Variants in STPG2 observed in about 807,000 individuals in gnomAD.
The protein encoded by STPG2 is sperm-tail PG-rich repeat-containing protein 2.
Under a neutral mutation model 54.2 loss-of-function variants are expected in STPG2, and 56 were observed. The ratio of observed to expected loss-of-function variants is 1.03; its 90% CI spans 0.83 to 1.29. The LOEUF is 1.29. Ranked by LOEUF, STPG2 falls within the 50% of genes most tolerant of loss-of-function variation. STPG2 has a pLI of 0.00. For synonymous variants in STPG2, 200 were observed against 181.8 expected (o/e 1.10, Z -0.81); for missense variants, 596 against 544.9 (o/e 1.09, Z -0.93).
At chr4:97,622,381 T>C (rs912423379) in intron 10 of STPG2, among the ~76,000 whole-genome samples, 1 of 152,134 alleles carries the variant, frequency 6.6e-6, no homozygotes, top group East Asian at 1.9e-4. Context: ...GAAAACCCCA[T>C]AGTCTCTGCC....
chr4:97,854,582 CAT>C (rs1282185737), intron 8 of STPG2, among the ~76,000 whole-genome samples: 1 of 151,174 alleles, frequency 6.6e-6, no homozygotes, highest in East Asian at 1.9e-4. Context: ...TTTTTAAAAA[CAT>C]GGGGATCGGG....
At chr4:97,444,322 T>C (rs2148792662) in intron 4 of STPG2, among the ~76,000 whole-genome samples, 1 of 152,212 alleles carries the variant, frequency 6.6e-6, no homozygotes, top group Non-Finnish European at 1.5e-5. Context: ...CAAGGAGAAT[T>C]GGGGCAGAAG....
intron 8 of STPG2, among the ~76,000 whole-genome samples, chr4:97,941,084 C>A (rs1273499783): frequency 6.6e-6 from 1 of 151,952 alleles, no homozygotes; most frequent in Non-Finnish European, 1.5e-5. Context: ...AACTCTATAT[C>A]CAAAATCATT....
At chr4:97,617,387 G>A (rs1028429829) in intron 10 of STPG2, among the ~76,000 whole-genome samples, 3 of 152,026 alleles carry the variant, frequency 2.0e-5, no homozygotes, top group Non-Finnish European at 4.4e-5. Flanking sequence ...TTTATTCTGT[G>A]GCCAAGTTTA....
intron 8 of STPG2, among the ~76,000 whole-genome samples, chr4:97,895,206 T>C (rs1730913180): frequency 6.6e-6 from 1 of 151,776 alleles, no homozygotes. Flanking sequence ...CAGAAAAATG[T>C]AAAAACAGGG....
chr4:97,619,158 C>T (rs1560688335), intron 10 of STPG2, among the ~76,000 whole-genome samples: 1 of 151,938 alleles, frequency 6.6e-6, no homozygotes, highest in Non-Finnish European at 1.5e-5. Context: ...GCTGTTTTTG[C>T]ATAAATGTCA....
intron 10 of STPG2, among the ~76,000 whole-genome samples, chr4:97,678,531 A>G (rs1203380557): frequency 6.6e-6 from 1 of 152,130 alleles, no homozygotes; most frequent in Non-Finnish European, 1.5e-5. Flanking sequence ...CAGCCTAGAT[A>G]CTTTTTTCGT....
At chr4:98,091,131 T>TA (rs1738672912) in intron 5 of STPG2, among the ~76,000 whole-genome samples, 1 of 152,054 alleles carries the variant, frequency 6.6e-6, no homozygotes, top group Non-Finnish European at 1.5e-5. Flanking sequence ...AATCACTAGA[T>TA]AAAATCAATG....
chr4:97,690,798 A>G (rs1404140401), intron 10 of STPG2, among the ~76,000 whole-genome samples: 1 of 152,194 alleles, frequency 6.6e-6, no homozygotes, highest in Non-Finnish European at 1.5e-5. Context: ...AGAAACAGAA[A>G]GGCAAATAGC....
chr4:98,107,283 TAAATA>T (rs1454350834), intron 4 of STPG2, among the ~76,000 whole-genome samples: 1 of 151,832 alleles, frequency 6.6e-6, no homozygotes, highest in African/African-American at 2.4e-5. Flanking sequence ...TCTGACTCAC[TAAATA>T]AAACAAAAAG....
intron 9 of STPG2, among the ~76,000 whole-genome samples, chr4:97,803,854 C>T (rs2149092016): frequency 6.6e-6 from 1 of 152,210 alleles, no homozygotes; most frequent in Middle Eastern, 3.4e-3. Context: ...ACACTGACTT[C>T]TTGGGAATAC....
rs976008397 is a variant in STPG2 at position 97,763,177 on chromosome 4, G to A, written c.1205-50363C>T. Among the ~76,000 whole-genome samples the A allele has an allele frequency of 2.6e-5, 4 of 152,080 alleles. No individual in the cohort carries two copies. The South Asian group carries it at 6.2e-4, about 24-fold the overall frequency. On this transcript the variant is annotated intron_variant, in intron 9 of 10. Transcript: ENST00000295268. ...TATAATTACCTGGTGCATAATACAG[G>A]AATATTTTTTGGAATGGTCATGAGG...
intron 8 of STPG2, among the ~76,000 whole-genome samples, chr4:97,903,142 C>T (rs1435384959): frequency 6.6e-6 from 1 of 152,054 alleles, no homozygotes; most frequent in South Asian, 2.1e-4. Flanking sequence ...ACCTACCGCA[C>T]AGCATAGTGA....
At chr4:98,121,243 G>T (rs1256373624) in intron 3 of STPG2, among the ~76,000 whole-genome samples, 1 of 152,086 alleles carries the variant, frequency 6.6e-6, no homozygotes, top group Non-Finnish European at 1.5e-5. Context: ...TGTTCCATTG[G>T]TCTACATTTC....
chr4:97,961,981 G>A (rs1344243037), intron 7 of STPG2, among the ~76,000 whole-genome samples: 1 of 152,114 alleles, frequency 6.6e-6, no homozygotes, highest in East Asian at 1.9e-4. Context: ...TCAATGAGTG[G>A]ATAAAGAAAC....
intron 8 of STPG2, among the ~76,000 whole-genome samples, chr4:97,918,460 C>T (rs917721443): frequency 6.6e-6 from 1 of 152,094 alleles, no homozygotes; most frequent in Non-Finnish European, 1.5e-5. Context: ...CATACACACA[C>T]ACAAACACAC....
At chr4:97,638,393 A>G (rs1182784835) in intron 10 of STPG2, among the ~76,000 whole-genome samples, 5 of 152,168 alleles carry the variant, frequency 3.3e-5, no homozygotes, top group African/African-American at 2.4e-5. Flanking sequence ...TAAAAACTCT[A>G]GAAGAAAACC....
At chr4:98,141,672 C>G (rs1384040767) in intron 1 of STPG2, among the ~76,000 whole-genome samples, 1 of 152,148 alleles carries the variant, frequency 6.6e-6, no homozygotes. Context: ...TAAAGCCAAG[C>G]TGTACCCCAA....
intron 5 of STPG2, among the ~76,000 whole-genome samples, chr4:98,002,520 C>A (rs1454486979): frequency 6.6e-6 from 1 of 151,896 alleles, no homozygotes; most frequent in Non-Finnish European, 1.5e-5. Context: ...ACCCCTCAAG[C>A]AGATGAATAA....
Sources: gnomAD v4.1 joint callset for allele counts (sites outside exome capture counted in the v4.1 genomes callset) on GRCh38, gnomAD v4.1.1 for gene constraint, MANE v1.5 for transcripts, NCBI Gene and HGNC (gene_info 2026-07-23, HGNC 2026-07-21) for gene names.